The following TRIM50 variants were observed in gnomAD, a reference collection of about 807,000 sequenced individuals.
TRIM50 encodes the protein E3 ubiquitin-protein ligase TRIM50.
In TRIM50, 34 loss-of-function variants were observed where a neutral mutation model predicts 44.9. The observed-to-expected ratio is 0.76, with a 90% confidence interval of 0.58 to 1.01. The LOEUF (loss-of-function observed/expected upper bound fraction) is 1.01. Ranked by LOEUF, TRIM50 falls within the 50% of genes least tolerant of loss-of-function variation. The pLI, the probability that TRIM50 is intolerant of heterozygous loss-of-function variation, is 0.00. For synonymous variants in TRIM50, 307 were observed against 291.1 expected, an observed-to-expected ratio of 1.05 and a Z score of -0.56; for missense variants, 633 against 663.7, an observed-to-expected ratio of 0.95 and a Z score of 0.51.
intron 2 of TRIM50, among the ~76,000 whole-genome samples, chr7:73,323,001 C>T (rs1385716824): frequency 6.6e-6 from 1 of 152,200 alleles, no homozygotes; most frequent in African/African-American, 2.4e-5. Context: ...TCAACCTTCC[C>T]GTCCCTCACC....
At chr7:73,323,851 G>A (rs1804549558) in intron 2 of TRIM50, among the ~76,000 whole-genome samples, 1 of 152,126 alleles carries the variant, frequency 6.6e-6, no homozygotes, top group Non-Finnish European at 1.5e-5. Context: ...CACCAGCCTG[G>A]GCAACATAAC....
intron 5 of TRIM50, 42 bp from the exon 6 acceptor site, chr7:73,316,731 G>A (rs1421697140): frequency 2.1e-5 from 33 of 1,601,276 alleles, no homozygotes; most frequent in African/African-American, 2.7e-5. Flanking sequence ...GAGGTATCAC[G>A]TGGCCCACCC....
chr7:73,313,045 T>C lies in TRIM50; in HGVS notation c.1340A>G (p.Gln447Arg). The change falls in exon 7 of 7, where the codon CAG (glutamine) becomes CGG (arginine). Residue 447 changes from glutamine (Q) to arginine (R), a missense_variant. Coordinates refer to ENST00000333149, the MANE Select transcript of TRIM50 (RefSeq NM_178125.3). This position sits in a 1 kb window ranked among gnomAD's most constrained non-coding sequence, Gnocchi z 4.9. The part of the protein sequence containing the change: ...RPLYTFQADF[Q>R]GKLYPILDTC... ...GTCCAGGATGGGGTAGAGCTTGCCC[T>C]GGAAGTCGGCCTGGAAGGTGTAGAG... 2.5e-6 allele frequency: 4 copies of C among 1,576,438 alleles called. No homozygotes were observed. The highest frequency in any genetic ancestry group is 3.4e-6 in the Non-Finnish European group (4 of 1,161,216).
intron 5 of TRIM50, chr7:73,316,900 G>A: frequency 3.2e-6 from 2 of 632,148 alleles, no homozygotes; most frequent in African/African-American, 1.9e-5. Context: ...GGTGCTTCTA[G>A]AGTGCAGGTT....
At chr7:73,315,843 G>A (rs1453607982) in intron 6 of TRIM50, among the ~76,000 whole-genome samples, 1 of 151,372 alleles carries the variant, frequency 6.6e-6, no homozygotes, top group East Asian at 1.9e-4. Flanking sequence ...AAGACCACTT[G>A]TCCTTTGAGT....
chr7:73,324,684 TAA>T lies in TRIM50; in HGVS notation c.102_103del (p.Tyr35LeufsTer107), dbSNP rs1216472552. 16 of 1,614,068 alleles carry T rather than the reference TAA, an allele frequency of 9.9e-6. No homozygotes were observed. Among genetic ancestry groups the T allele is most frequent in the Non-Finnish European group, 1.3e-5 (15 of 1,180,042 alleles). ...CAGGGAAACCAGGCAGCCCTTGCAG[TAA>T]GAGTGGCCACACTGCAGCATCAGGG... On this transcript the variant is annotated frameshift_variant, in exon 2 of 7. Transcript: ENST00000333149. LOFTEE classifies it high-confidence loss of function.
chr7:73,316,526 G>C (rs782281465), intron 6 of TRIM50, 39 bp downstream of exon 6: 2 of 1,611,700 alleles, frequency 1.2e-6, no homozygotes, highest in Admixed American at 1.7e-5. Flanking sequence ...CCTGCCCTGG[G>C]CGGCAGCCCT....
At chr7:73,323,896 T>A (rs1804550431) in intron 2 of TRIM50, among the ~76,000 whole-genome samples, 1 of 152,000 alleles carries the variant, frequency 6.6e-6, no homozygotes, top group South Asian at 2.1e-4. Context: ...AAAAATGAGC[T>A]GGGCATGGTG....
Position 73,313,074 on chromosome 7 carries a change from C to A in TRIM50, c.1311G>T (p.Arg437=). 1 of 1,589,524 alleles carries A rather than the reference C, an allele frequency of 6.3e-7. No homozygotes were observed. The highest frequency in any genetic ancestry group is 2.3e-5 in the East Asian group (1 of 43,774). Residue 437 remains arginine (R), a synonymous_variant, in exon 7 of 7, where the codon CGG becomes CGT. Coordinates refer to ENST00000333149, the MANE Select transcript of TRIM50 (RefSeq NM_178125.3). This position sits in a 1 kb window ranked among gnomAD's most constrained non-coding sequence, Gnocchi z 4.9. ...FFDADRPDDL[R]PLYTFQADFQ... ...AGTCGGCCTGGAAGGTGTAGAGCGG[C>A]CGCAGGTCATCGGGGCGGTCGGCAT...
At chr7:73,318,495 TC>T (rs1804410659) in intron 5 of TRIM50, among the ~76,000 whole-genome samples, 191 bp downstream of exon 5, 1 of 152,094 alleles carries the variant, frequency 6.6e-6, no homozygotes, top group Non-Finnish European at 1.5e-5. Context: ...ACCATCTGCC[TC>T]CCCACCCATC....
Position 73,313,371 on chromosome 7 carries a change from G to T in TRIM50, c.1014C>A (p.Val338=). ...CGCAGGAGAAGCCGCGGCTGGCCAG[G>T]ACGCAGGTGCTGTAGTCGAAGCGCT... ...QPERFDYSTC[V]LASRGFSCGR... is the part of the protein sequence containing the mutation. The change falls in exon 7 of 7, where the codon GTC becomes GTA. Residue 338 remains valine (V), a synonymous_variant. Coordinates refer to ENST00000333149, the MANE Select transcript of TRIM50 (RefSeq NM_178125.3). This position sits in a 1 kb window ranked among gnomAD's most constrained non-coding sequence, Gnocchi z 4.9. 6.3e-7 allele frequency: 1 copy of T among 1,595,636 alleles called. No individual in the cohort carries two copies.
Position 73,318,909 on chromosome 7 carries a change from C to A in TRIM50, c.639G>T (p.Glu213Asp), listed in dbSNP as rs782004598. The A allele has an allele frequency of 6.2e-7, 1 of 1,614,004 alleles. No homozygotes were observed. Among genetic ancestry groups the A allele is most frequent in the Non-Finnish European group, 8.5e-7 (1 of 1,179,852 alleles). Residue 213 changes from glutamate (E) to aspartate (D), a missense_variant, in exon 4 of 7, where the codon GAG becomes GAT. Physicochemically the swap from Glu to Asp is conservative, Grantham distance 45. Transcript: ENST00000333149. ...GCCGCTCCCGGGTTCCCTGGGCCTG[C>A]TCCAGCTGCATGTCCAGGGAGGCCA... ...GLVASLDMQLEQAQGTRERLA... is the reference protein window; with the variant it reads ...GLVASLDMQLDQAQGTRERLA...
chr7:73,326,026 T>C (rs747993399), intron 1 of TRIM50, among the ~76,000 whole-genome samples: 1 of 152,188 alleles, frequency 6.6e-6, no homozygotes, highest in Non-Finnish European at 1.5e-5. Flanking sequence ...TAGCTGGGAC[T>C]ACAGGTGCAT....
chr7:73,316,179 A>C (rs112290231), intron 6 of TRIM50, among the ~76,000 whole-genome samples: 146,718 of 152,240 alleles, frequency 0.96, 70,736 homozygotes, highest in East Asian at 1. Flanking sequence ...CTGTGCCCAG[A>C]CAAAAAGTAC....
In TRIM50 at chr7:73,318,924, C is replaced by T; in HGVS notation, c.624G>A (p.Leu208=). Reference sequence around the variant, plus strand: ...CCTGGGCCTGCTCCAGCTGCATGTCCAGGGAGGCCACCAGGCCACGGGTGT... The same window carrying T: ...CCTGGGCCTGCTCCAGCTGCATGTCTAGGGAGGCCACCAGGCCACGGGTGT... ...GGHTRGLVAS[L]DMQLEQAQGT... The change falls in exon 4 of 7, where the codon CTG becomes CTA. Residue 208 remains leucine, a synonymous_variant. Coordinates refer to ENST00000333149, the MANE Select transcript of TRIM50 (RefSeq NM_178125.3). The T allele has an allele frequency of 6.2e-7, 1 of 1,614,016 alleles. No homozygotes were observed. Among genetic ancestry groups the T allele is most frequent in the Admixed American group, 1.7e-5 (1 of 60,014 alleles).
chr7:73,314,283 C>T (rs1344249425), intron 6 of TRIM50: 1 of 326,512 alleles, frequency 3.1e-6, no homozygotes, highest in Non-Finnish European at 5.9e-6. Context: ...TGGTCCTGCT[C>T]GGTCAGGGTG....
At chr7:73,327,125 T>C (rs1436625063) in intron 1 of TRIM50, among the ~76,000 whole-genome samples, 1 of 151,980 alleles carries the variant, frequency 6.6e-6, no homozygotes, top group East Asian at 1.9e-4. Context: ...GGTCATAATA[T>C]ACTGCTGTGG....
In TRIM50 at chr7:73,312,681, G is replaced by A; in HGVS notation, c.*240C>T. The A allele has an allele frequency of 1.9e-6, 1 of 514,614 alleles. No individual in the cohort carries two copies. The highest frequency in any genetic ancestry group is 3.4e-6 in the Non-Finnish European group (1 of 293,182). 31.9% of individuals were successfully genotyped at this position (514,614 alleles called of 1,614,324 possible). A position where few individuals can be genotyped will look rare whatever the true frequency, so the allele number is the denominator to read the frequency against. On this transcript the variant is annotated 3_prime_UTR_variant, in exon 7 of 7. Transcript: ENST00000333149. ...ATGGTTAGCAAGTGGCAGGAACCAT[G>A]GGGATTTCAGTGTGTCCCTGGCTGC...
intron 5 of TRIM50, 78 bp downstream of exon 5, chr7:73,318,609 A>T: frequency 1.1e-5 from 17 of 1,611,718 alleles, no homozygotes; most frequent in Non-Finnish European, 1.4e-5. Context: ...GGTTAAACCG[A>T]ATGGAGGAAC....
Sources: gnomAD v4.1 joint callset for allele counts (sites outside exome capture counted in the v4.1 genomes callset) on GRCh38, gnomAD v4.1.1 for gene constraint, Gnocchi (gnomAD v3.1) non-coding constraint, MANE v1.5 for transcripts, NCBI Gene and HGNC (gene_info 2026-07-23, HGNC 2026-07-21) for gene names.